Variants in KAZN observed in about 807,000 individuals in gnomAD.
KAZN encodes the protein kazrin.
KAZN carries 40 observed loss-of-function variants against 87.4 expected under a neutral mutation model. The observed-to-expected ratio is 0.46, with a 90% CI of 0.36 to 0.60. The LOEUF is 0.60. Among genes scored for constraint, KAZN ranks in the 20% least tolerant of loss-of-function variants. KAZN has a pLI of 0.00. For synonymous variants in KAZN, 466 were observed against 458.3 expected, an observed-to-expected ratio of 1.02 and a Z score of -0.22; for missense variants, 898 against 1,073.9, an observed-to-expected ratio of 0.84 and a Z score of 2.29.
intron 2 of KAZN, among the ~76,000 whole-genome samples, chr1:14,453,499 A>G (rs1047736118): frequency 2.0e-5 from 3 of 152,224 alleles, no homozygotes; most frequent in Non-Finnish European, 4.4e-5. Flanking sequence ...CATCTGGGAT[A>G]CTATGGATAT....
chr1:14,697,714 C>T (rs534543717), intron 1 of KAZN, among the ~76,000 whole-genome samples: 1 of 152,224 alleles, frequency 6.6e-6, no homozygotes, highest in South Asian at 2.1e-4. Context: ...AGACAAAGCT[C>T]TTTTTTGATA....
At chr1:14,005,529 G>C (rs113875186) in intron 1 of KAZN, among the ~76,000 whole-genome samples, 4,169 of 152,248 alleles carry the variant, frequency 0.027, 94 homozygotes, top group Non-Finnish European at 0.04. Context: ...GTAGACTCAT[G>C]GTGTAGACAG....
chr1:14,813,283 G>A (rs891225382), intron 1 of KAZN, among the ~76,000 whole-genome samples: 4 of 152,172 alleles, frequency 2.6e-5, no homozygotes, highest in Non-Finnish European at 5.9e-5. Flanking sequence ...GTAATACAAT[G>A]CAACAGAAGT....
intron 2 of KAZN, among the ~76,000 whole-genome samples, chr1:15,001,519 C>T (rs926309231): frequency 7.9e-5 from 12 of 151,908 alleles, no homozygotes; most frequent in Admixed American, 7.9e-4. Context: ...GCCTTAGTTT[C>T]CTCATCCTTA....
intron 2 of KAZN, among the ~76,000 whole-genome samples, chr1:14,379,447 C>G (rs1015134780): frequency 6.6e-6 from 1 of 151,996 alleles, no homozygotes; most frequent in Non-Finnish European, 1.5e-5. Context: ...TTCAGGGTCC[C>G]TGATTTCAGG....
At chr1:14,756,841 C>A (rs140734647) in intron 1 of KAZN, among the ~76,000 whole-genome samples, 1 of 152,232 alleles carries the variant, frequency 6.6e-6, no homozygotes, top group Non-Finnish European at 1.5e-5. Flanking sequence ...GGCTTGGCCA[C>A]ATTTCAGTGC....
chr1:14,412,183 C>T (rs184415536), intron 2 of KAZN, among the ~76,000 whole-genome samples: 217 of 152,286 alleles, frequency 1.4e-3, no homozygotes, highest in Non-Finnish European at 2.4e-3. Context: ...AAATAAACCT[C>T]AATGCATCAG....
intron 2 of KAZN, among the ~76,000 whole-genome samples, chr1:14,324,597 AG>A: frequency 6.6e-6 from 1 of 152,172 alleles, no homozygotes; most frequent in East Asian, 1.9e-4. Flanking sequence ...AATCAAAATA[AG>A]ACATAATGGC....
intron 2 of KAZN, among the ~76,000 whole-genome samples, chr1:14,542,487 T>G (rs1672873584): frequency 6.6e-6 from 1 of 152,322 alleles, no homozygotes; most frequent in African/African-American, 2.4e-5. Context: ...CAAATATTTA[T>G]ACATATACTT....
intron 1 of KAZN, among the ~76,000 whole-genome samples, chr1:14,105,622 G>A (rs1205589301): frequency 6.6e-6 from 1 of 152,154 alleles, no homozygotes; most frequent in Admixed American, 6.5e-5. Flanking sequence ...CACACCCAAG[G>A]AGACAAGCAT....
Position 14,637,181 on chromosome 1 carries a change from T to G in KAZN, c.226+37958T>G, listed in dbSNP as rs142165424. Among the ~76,000 whole-genome samples, 61 of 152,192 alleles carry G rather than the reference T, an allele frequency of 4.0e-4. 1 individual carries two copies. The highest frequency in any genetic ancestry group is 1.4e-3 in the African/African-American group (59 of 41,524). On this transcript the variant is annotated intron_variant, in intron 1 of 14. Coordinates refer to ENST00000376030, the MANE Select transcript of KAZN (RefSeq NM_201628.3). ...GTGAAAATGGAGCCAGAAAAACGCG[T>G]GCAGCAGCTCATCAGAAAGTGTAAG... is the stretch of plus-strand genomic sequence containing the variant.
rs546795380 is a variant in KAZN, at chr1:14,365,166, C to T, written c.249+184574C>T. ...TCAAGCCATTCTCCCGCCTCAGCCT[C>T]CCGAGTAGCTGGTACTACAAGTGCC... On this transcript the variant is annotated intron_variant, in intron 2 of 16. Transcript: ENST00000636203. 2.4e-3 allele frequency among the ~76,000 whole-genome samples: 362 copies of T among 152,082 alleles called. 3 individuals carry two copies. Among genetic ancestry groups the T allele is most frequent in the South Asian group, 9.1e-3 (44 of 4,818 alleles).
intron 1 of KAZN, among the ~76,000 whole-genome samples, chr1:14,068,330 T>A (rs371794150): frequency 2.6e-5 from 4 of 152,230 alleles, no homozygotes; most frequent in East Asian, 3.8e-4. Context: ...ATGTTATTGA[T>A]GCTTGCTAGA....
At chr1:14,794,106 A>C (rs1645761970) in intron 1 of KAZN, among the ~76,000 whole-genome samples, 1 of 152,214 alleles carries the variant, frequency 6.6e-6, no homozygotes, top group Admixed American at 6.5e-5. Context: ...CTCAGGATGC[A>C]ACCTGGTTTG....
intron 1 of KAZN, among the ~76,000 whole-genome samples, chr1:14,925,777 T>C (rs1659103199): frequency 6.6e-6 from 1 of 152,180 alleles, no homozygotes; most frequent in South Asian, 2.1e-4. Flanking sequence ...CCCCAGGAGA[T>C]GGAATGCCGC....
intron 2 of KAZN, among the ~76,000 whole-genome samples, chr1:15,033,013 T>C (rs932134052): frequency 6.6e-6 from 1 of 152,016 alleles, no homozygotes; most frequent in Non-Finnish European, 1.5e-5. Flanking sequence ...ATACTGAACA[T>C]GTACAGATTT....
chr1:14,086,556 T>C (rs1643865283), intron 1 of KAZN, among the ~76,000 whole-genome samples: 1 of 152,260 alleles, frequency 6.6e-6, no homozygotes, highest in South Asian at 2.1e-4. Flanking sequence ...ATTGTTTCTT[T>C]TATATTTCAC....
chr1:14,419,854 G>A (rs898007376), intron 2 of KAZN, among the ~76,000 whole-genome samples: 10 of 152,074 alleles, frequency 6.6e-5, no homozygotes, highest in Admixed American at 2.6e-4. Context: ...ACACCTTTGC[G>A]GCGAGTATTA....
intron 1 of KAZN, among the ~76,000 whole-genome samples, chr1:14,711,971 G>C (rs907786333): frequency 1.1e-4 from 16 of 152,192 alleles, no homozygotes; most frequent in South Asian, 2.1e-4. Context: ...TTCCGGCCAT[G>C]GGGAGCTGCA....
Sources: allele counts gnomAD v4.1 joint callset (sites outside exome capture counted in the v4.1 genomes callset), GRCh38; gene constraint gnomAD v4.1.1; transcripts MANE v1.5; gene names NCBI Gene and HGNC (gene_info 2026-07-23, HGNC 2026-07-21).